The following BTBD9 variants were observed in gnomAD, a reference collection of about 807,000 sequenced individuals.
BTBD9 encodes the protein BTB domain containing 9.
A neutral mutation model predicts 64.3 loss-of-function variants in BTBD9; 49 were observed. That is an observed-to-expected ratio of 0.76 (90% confidence interval 0.61 to 0.97). The LOEUF is 0.97. BTBD9 is among the 50% of genes least tolerant of loss of function. BTBD9 has a pLI of 0.00. For synonymous variants in BTBD9, 260 were observed against 274.7 expected (o/e 0.95, Z 0.53); for missense variants, 598 against 762.1 (o/e 0.78, Z 2.53).
intron 1 of BTBD9, among the ~76,000 whole-genome samples, chr6:38,598,334 A>C (rs1046721688): frequency 3.3e-5 from 5 of 152,218 alleles, no homozygotes; most frequent in Admixed American, 2.0e-4. Context: ...TAGCAAAGCA[A>C]AAATGCCAGA....
chr6:38,252,812 A>G (rs527935373), intron 9 of BTBD9, among the ~76,000 whole-genome samples: 10 of 152,322 alleles, frequency 6.6e-5, no homozygotes, highest in Middle Eastern at 6.8e-3. Flanking sequence ...GCTCTTGTTA[A>G]AAACCCACAC....
intron 1 of BTBD9, among the ~76,000 whole-genome samples, chr6:38,611,939 C>T (rs1341481385): frequency 6.6e-6 from 1 of 152,152 alleles, no homozygotes; most frequent in South Asian, 2.1e-4. Context: ...CTCAAAGTCT[C>T]TAGCGATTTA....
chr6:38,226,987 CTT>C (rs1214413978), intron 9 of BTBD9, among the ~76,000 whole-genome samples: 3 of 152,238 alleles, frequency 2.0e-5, no homozygotes, highest in Admixed American at 2.0e-4. Flanking sequence ...AAGCAATTGA[CTT>C]TATAACCACA....
chr6:38,381,808 T>C (rs944710571), intron 6 of BTBD9, among the ~76,000 whole-genome samples: 3 of 151,710 alleles, frequency 2.0e-5, no homozygotes, highest in African/African-American at 7.3e-5. Flanking sequence ...ACCTTAAAAA[T>C]AACATCAAAA....
At chr6:38,566,914 C>A (rs1775547969) in intron 6 of BTBD9, among the ~76,000 whole-genome samples, 1 of 152,200 alleles carries the variant, frequency 6.6e-6, no homozygotes, top group African/African-American at 2.4e-5. Context: ...GATCAACAGA[C>A]ATAAAATAAA....
At position 38,499,507 on chromosome 6, in the gene BTBD9, T is replaced by C. The variant is rs550182876; in HGVS notation, c.1154+78093A>G. Among the ~76,000 whole-genome samples, 5 of 152,324 alleles carry C rather than the reference T, an allele frequency of 3.3e-5. No individual in the cohort carries two copies. The South Asian group carries it at 1.0e-3, about 32-fold the overall frequency. The stretch of plus-strand genomic sequence containing the variant: ...ACCTCTGAAGCAGGGTATTTATTTG[T>C]TATAATGGTAAAACTTCTGTTTAAA... On this transcript the variant is annotated intron_variant, in intron 6 of 10. Transcript: ENST00000481247.
chr6:38,587,881 G>A lies in BTBD9; in HGVS notation c.814+4695C>T, dbSNP rs928955043. ...ATGAAATAAAAAATAATGTTACGTC[G>A]GCATTTGGCTTAACAGATGATCAGG... On this transcript the variant is annotated intron_variant, in intron 4 of 10. Transcript: ENST00000481247. 43 of 721,480 alleles carry A rather than the reference G, an allele frequency of 6.0e-5. 1 individual carries two copies. Among genetic ancestry groups the A allele is most frequent in the African/African-American group, 2.3e-4 (13 of 57,578 alleles). 44.7% of individuals were successfully genotyped at this position (721,480 alleles called of 1,614,324 possible).
chr6:38,241,145 C>T (rs1005729015), intron 9 of BTBD9, among the ~76,000 whole-genome samples: 1 of 152,156 alleles, frequency 6.6e-6, no homozygotes, highest in Non-Finnish European at 1.5e-5. Flanking sequence ...GCTTATATGT[C>T]CACTGCTAAA....
At position 38,288,476 on chromosome 6, in the gene BTBD9, A is replaced by G; in HGVS notation, c.1265-15T>C. 1 of 1,612,966 alleles carries G rather than the reference A, an allele frequency of 6.2e-7. No individual in the cohort carries two copies. Among genetic ancestry groups the G allele is most frequent in the African/African-American group, 1.3e-5 (1 of 75,060 alleles). On this transcript the variant is annotated splice_polypyrimidine_tract_variant and intron_variant, in intron 7 of 10. Coordinates refer to ENST00000481247, the MANE Select transcript of BTBD9 (RefSeq NM_001099272.2). Reference sequence around the variant, plus strand: ...CTCCATGGGAACTGTGAATCCAAAAACAAGATTTGGCATCAGGATAAGAGA... The same window carrying G: ...CTCCATGGGAACTGTGAATCCAAAAGCAAGATTTGGCATCAGGATAAGAGA...
chr6:38,286,140 T>A (rs1364597202), intron 8 of BTBD9, among the ~76,000 whole-genome samples: 2 of 152,166 alleles, frequency 1.3e-5, no homozygotes, highest in Admixed American at 6.5e-5. Context: ...AACTCGAGGC[T>A]TCTCTATCTG....
chr6:38,374,297 G>GTATA lies in BTBD9; in HGVS notation c.1155-29208_1155-29205dup, dbSNP rs1468972879. Among the ~76,000 whole-genome samples the GTATA allele has an allele frequency of 1.2e-3, 67 of 53,654 alleles. 1 individual carries two copies. Among genetic ancestry groups the GTATA allele is most frequent in the African/African-American group, 3.8e-3 (43 of 11,298 alleles). The allele number at this position is 53,654 out of a possible 152,430, so 35.2% of individuals were successfully genotyped here. On this transcript the variant is annotated intron_variant, in intron 6 of 10. Transcript: ENST00000481247. ...AAAAAAAAAAAGTATATATATATAT[G>GTATA]TATATATATGTATATATATATATAT...
intron 6 of BTBD9, among the ~76,000 whole-genome samples, chr6:38,478,982 C>T (rs1771012359): frequency 6.6e-6 from 1 of 152,146 alleles, no homozygotes; most frequent in South Asian, 2.1e-4. Flanking sequence ...AGAAGTGCTG[C>T]TGAAATAGAC....
intron 6 of BTBD9, among the ~76,000 whole-genome samples, chr6:38,400,851 A>G (rs1188824007): frequency 1.3e-5 from 2 of 152,196 alleles, no homozygotes; most frequent in Non-Finnish European, 2.9e-5. Context: ...TCTCATGTGT[A>G]CTATTTATTT....
At chr6:38,530,287 G>T (rs1773731256) in intron 6 of BTBD9, among the ~76,000 whole-genome samples, 1 of 152,298 alleles carries the variant, frequency 6.6e-6, no homozygotes, top group Non-Finnish European at 1.5e-5. Context: ...CTTATCAGTG[G>T]TTCTGCTTTT....
chr6:38,577,163 G>A (rs1411510086), intron 6 of BTBD9, among the ~76,000 whole-genome samples: 2 of 152,164 alleles, frequency 1.3e-5, no homozygotes, highest in African/African-American at 4.8e-5. Flanking sequence ...ATGTACAATG[G>A]CATTCAAAGA....
intron 10 of BTBD9, chr6:38,179,408 C>A: frequency 2.2e-6 from 1 of 456,686 alleles, no homozygotes; most frequent in Non-Finnish European, 4.4e-6. Context: ...CTCAGGGTTC[C>A]CTGGAAGGGA....
intron 1 of BTBD9, among the ~76,000 whole-genome samples, chr6:38,598,925 A>T (rs190738137): frequency 6.6e-6 from 1 of 151,650 alleles, no homozygotes; most frequent in African/African-American, 2.4e-5. Context: ...CTCAAAAAAA[A>T]TAATAATAAT....
intron 1 of BTBD9, among the ~76,000 whole-genome samples, chr6:38,629,589 C>T (rs771911056): frequency 6.6e-6 from 1 of 151,932 alleles, no homozygotes; most frequent in Non-Finnish European, 1.5e-5. Context: ...TTTGGGAGGC[C>T]GAGGCAGGAG....
rs116312769 is a variant in BTBD9, at chr6:38,489,567, T to C, written c.1154+88033A>G. ...ATTTTCCTAAAACCTTTTAACATTA[T>C]ACAATTCCATTGTGTGTATGTATAA... On this transcript the variant is annotated intron_variant, in intron 6 of 10. Coordinates refer to ENST00000481247, the MANE Select transcript of BTBD9 (RefSeq NM_001099272.2). Among the ~76,000 whole-genome samples, 923 of 152,348 alleles carry C rather than the reference T, an allele frequency of 6.1e-3. 6 individuals carry two copies. The highest frequency in any genetic ancestry group is 0.011 in the African/African-American group (464 of 41,576).
Sources: gnomAD v4.1 joint callset for allele counts (sites outside exome capture counted in the v4.1 genomes callset) on GRCh38, gnomAD v4.1.1 for gene constraint, MANE v1.5 for transcripts, NCBI Gene and HGNC (gene_info 2026-07-23, HGNC 2026-07-21) for gene names.